Variants in SLIT3 observed in about 807,000 individuals in gnomAD.
SLIT3 encodes the protein slit homolog 3 protein.
In SLIT3, 68 loss-of-function variants were observed where a neutral mutation model predicts 184.0. The observed-to-expected ratio is 0.37, with a 90% CI of 0.30 to 0.45. The LOEUF (loss-of-function observed/expected upper bound fraction) is 0.45. Ranked by LOEUF, SLIT3 falls within the 20% of genes least tolerant of loss-of-function variation. SLIT3 has a pLI of 1.00. For missense variants in SLIT3, 1,707 were observed against 2,026.0 expected (o/e 0.84, Z 3.02); for synonymous variants, 831 against 828.6 (o/e 1.00, Z -0.05).
chr5:169,176,889 C>T (rs1261983022), intron 4 of SLIT3, among the ~76,000 whole-genome samples: 1 of 152,232 alleles, frequency 6.6e-6, no homozygotes, highest in Non-Finnish European at 1.5e-5. Flanking sequence ...CCTCTTTCTG[C>T]CAGCACCCTC....
At chr5:169,286,013 T>C (rs552162108) in intron 1 of SLIT3, among the ~76,000 whole-genome samples, 1 of 152,324 alleles carries the variant, frequency 6.6e-6, no homozygotes, top group East Asian at 1.9e-4. Flanking sequence ...CAGCAAAATA[T>C]AGCCATAATA....
chr5:169,124,318 C>T (rs1252619474), intron 4 of SLIT3, among the ~76,000 whole-genome samples: 1 of 152,110 alleles, frequency 6.6e-6, no homozygotes, highest in Non-Finnish European at 1.5e-5. Context: ...TTTTTGAAGT[C>T]CCCTTAAATA....
chr5:168,994,623 C>CTTTTTTTTTTTTTTGTTTTTTTTTTT (rs1755447472), intron 4 of SLIT3, among the ~76,000 whole-genome samples: 1 of 47,074 alleles, frequency 2.1e-5, no homozygotes, highest in Non-Finnish European at 3.7e-5. Context: ...TGGCATTCTA[C>CTTTTTTTTTTTTTTGTTTTTTTTTTT]TTTTTTTTTT....
Position 169,291,713 on chromosome 5 carries a change from T to C in SLIT3, c.197+8800A>G, listed in dbSNP as rs568413658. On this transcript the variant is annotated intron_variant, in intron 1 of 35. Transcript: ENST00000519560. Reference sequence around the variant, plus strand: ...TGAACTCATCATGTTTGTCTTCTTCTAGTTGTTACTTGAGAATAGAGTTTA... The same window carrying C: ...TGAACTCATCATGTTTGTCTTCTTCCAGTTGTTACTTGAGAATAGAGTTTA... Among the ~76,000 whole-genome samples, 8 of 152,338 alleles carry C rather than the reference T, an allele frequency of 5.3e-5. No homozygotes were observed. The East Asian group carries it at 1.2e-3, about 22-fold the overall frequency.
At chr5:168,777,229 C>T (rs1161248549) in intron 12 of SLIT3, among the ~76,000 whole-genome samples, 1 of 152,008 alleles carries the variant, frequency 6.6e-6, no homozygotes, top group Non-Finnish European at 1.5e-5. Flanking sequence ...TTAGATAGGA[C>T]ATATGCTCTC....
rs1756865042 is a variant in SLIT3, at chr5:169,027,271, A to G, written c.414-143935T>C. ...TTCTGATTATTTTATCATTCCTACC[A>G]AGGGCTTGGAGAAAGCAAGTGTGGG... On this transcript the variant is annotated intron_variant, in intron 4 of 35. Transcript: ENST00000519560. Among the ~76,000 whole-genome samples the G allele has an allele frequency of 2.6e-5, 4 of 152,302 alleles. 1 individual carries two copies. The highest frequency in any genetic ancestry group is 9.6e-5 in the African/African-American group (4 of 41,574).
intron 3 of SLIT3, among the ~76,000 whole-genome samples, chr5:169,235,948 C>T (rs1284070971): frequency 6.6e-6 from 1 of 152,138 alleles, no homozygotes; most frequent in African/African-American, 2.4e-5. Flanking sequence ...AAGCTACTGC[C>T]CACTCCCTTC....
intron 4 of SLIT3, among the ~76,000 whole-genome samples, chr5:168,984,905 C>T (rs578251435): frequency 6.6e-6 from 1 of 152,250 alleles, no homozygotes; most frequent in East Asian, 1.9e-4. Flanking sequence ...AAAGTAAGAC[C>T]TCTATTTCTG....
At chr5:168,758,298 G>A (rs1387775618) in intron 16 of SLIT3, among the ~76,000 whole-genome samples, 1 of 152,228 alleles carries the variant, frequency 6.6e-6, no homozygotes, top group African/African-American at 2.4e-5. Flanking sequence ...GAGGATGAAA[G>A]ATTCCAAGTG....
At chr5:169,229,449 C>T (rs903175447) in intron 3 of SLIT3, among the ~76,000 whole-genome samples, 1 of 152,114 alleles carries the variant, frequency 6.6e-6, no homozygotes, top group African/African-American at 2.4e-5. Flanking sequence ...TCTGACAACA[C>T]CCTCATTCCT....
At chr5:169,056,986 T>A (rs1001316394) in intron 4 of SLIT3, among the ~76,000 whole-genome samples, 3 of 152,264 alleles carry the variant, frequency 2.0e-5, no homozygotes, top group Non-Finnish European at 4.4e-5. Context: ...CTGCCTTACC[T>A]GTCTCCATAA....
rs778815115 is a variant in SLIT3 at position 168,753,859 on chromosome 5, C to T, written c.1829+5G>A. The T allele has an allele frequency of 6.2e-7, 1 of 1,609,698 alleles. No homozygotes were observed. Among genetic ancestry groups the T allele is most frequent in the Non-Finnish European group, 8.5e-7 (1 of 1,179,460 alleles). On this transcript the variant is annotated splice_donor_5th_base_variant and intron_variant, in intron 17 of 35. Transcript: ENST00000519560. The stretch of plus-strand genomic sequence containing the variant: ...CTTGGCCCAGGCCCCACCCCAGGCA[C>T]TCACAAGGTTTTGAGGCCACTGAGG...
intron 4 of SLIT3, among the ~76,000 whole-genome samples, chr5:168,931,259 T>C (rs1761979726): frequency 6.6e-6 from 1 of 152,226 alleles, no homozygotes; most frequent in South Asian, 2.1e-4. Flanking sequence ...ATATTATGTA[T>C]GGACTACCTT....
At chr5:169,214,357 C>G (rs1764366280) in intron 3 of SLIT3, among the ~76,000 whole-genome samples, 1 of 152,164 alleles carries the variant, frequency 6.6e-6, no homozygotes, top group Non-Finnish European at 1.5e-5. Context: ...GTAATTATAA[C>G]AGCTCCCACA....
intron 28 of SLIT3, among the ~76,000 whole-genome samples, chr5:168,694,613 C>A (rs1762000136): frequency 1.3e-5 from 2 of 152,086 alleles, no homozygotes; most frequent in African/African-American, 2.4e-5. Flanking sequence ...CTTTCTTTAT[C>A]TCTCTCTCTT....
intron 12 of SLIT3, among the ~76,000 whole-genome samples, chr5:168,780,799 T>C (rs1343705641): frequency 1.3e-5 from 2 of 152,202 alleles, no homozygotes; most frequent in Non-Finnish European, 2.9e-5. Flanking sequence ...CCTTAGAACA[T>C]TATGTTATCA....
intron 1 of SLIT3, among the ~76,000 whole-genome samples, chr5:169,267,065 A>G (rs1454964363): frequency 6.6e-6 from 1 of 152,246 alleles, no homozygotes; most frequent in Non-Finnish European, 1.5e-5. Flanking sequence ...GCCAAGGACT[A>G]TGCTAAACAC....
At chr5:168,817,186 C>T in intron 8 of SLIT3, 114 bp downstream of exon 8, 1 of 949,728 alleles carries the variant, frequency 1.1e-6, no homozygotes, top group South Asian at 1.6e-5. Context: ...TATGGGGTTC[C>T]TTCCACACCA....
intron 1 of SLIT3, among the ~76,000 whole-genome samples, chr5:169,280,613 T>G (rs889234426): frequency 6.6e-6 from 1 of 152,060 alleles, no homozygotes; most frequent in Non-Finnish European, 1.5e-5. Flanking sequence ...ACATGTGGGT[T>G]TCCTGGTGAG....
Sources: allele counts gnomAD v4.1 joint callset (sites outside exome capture counted in the v4.1 genomes callset), GRCh38; gene constraint gnomAD v4.1.1; transcripts MANE v1.5; gene names NCBI Gene and HGNC (gene_info 2026-07-23, HGNC 2026-07-21).